The following CAMKMT variants were observed in gnomAD, a reference collection of about 807,000 sequenced individuals.
The protein encoded by CAMKMT is CaM KMT.
A neutral mutation model predicts 48.0 loss-of-function variants in CAMKMT; 53 were observed. The ratio of observed to expected loss-of-function variants is 1.10; its 90% confidence interval spans 0.89 to 1.39. The LOEUF (loss-of-function observed/expected upper bound fraction) is 1.39. CAMKMT is among the 40% of genes most tolerant of loss of function. The pLI is 0.00. For synonymous variants in CAMKMT, 165 were observed against 152.3 expected, an observed-to-expected ratio of 1.08 and a Z score of -0.61; for missense variants, 428 against 402.7, an observed-to-expected ratio of 1.06 and a Z score of -0.54.
chr2:44,674,348 C>G (rs919161265), intron 3 of CAMKMT, among the ~76,000 whole-genome samples: 6 of 152,224 alleles, frequency 3.9e-5, no homozygotes, highest in African/African-American at 1.2e-4. Context: ...GTTAACCCAT[C>G]TGTCTCCTCC....
At chr2:44,419,774 T>C (rs964406463) in intron 3 of CAMKMT, among the ~76,000 whole-genome samples, 1 of 152,178 alleles carries the variant, frequency 6.6e-6, no homozygotes, top group Non-Finnish European at 1.5e-5. Context: ...GGAGGATCAC[T>C]TGAGCCCAAG....
intron 3 of CAMKMT, among the ~76,000 whole-genome samples, chr2:44,609,680 C>T (rs1671491490): frequency 6.6e-6 from 1 of 152,162 alleles, no homozygotes; most frequent in South Asian, 2.1e-4. Context: ...AAATTACAAA[C>T]TTTGTTCTGA....
intron 3 of CAMKMT, among the ~76,000 whole-genome samples, chr2:44,590,091 A>G (rs1168943791): frequency 6.6e-6 from 1 of 151,154 alleles, no homozygotes; most frequent in South Asian, 2.1e-4. Context: ...GCTAATATTG[A>G]CATTCCTTTC....
chr2:44,642,655 G>C (rs1176996136), intron 3 of CAMKMT, among the ~76,000 whole-genome samples: 2 of 152,118 alleles, frequency 1.3e-5, no homozygotes, highest in African/African-American at 2.4e-5. Context: ...GTGAGATAAG[G>C]TGTGCCCTGG....
chr2:44,689,236 C>A (rs1339403023), intron 3 of CAMKMT, among the ~76,000 whole-genome samples: 8 of 151,756 alleles, frequency 5.3e-5, no homozygotes. Context: ...CTCTTACGTG[C>A]CTTTTCAAGA....
chr2:44,420,847 G>A (rs1683890089), intron 3 of CAMKMT, among the ~76,000 whole-genome samples: 1 of 150,650 alleles, frequency 6.6e-6, no homozygotes, highest in South Asian at 2.1e-4. Context: ...TCCCCCCTTG[G>A]GTAATTTTTT....
At chr2:44,452,055 A>G (rs1254282033) in intron 3 of CAMKMT, among the ~76,000 whole-genome samples, 1 of 151,982 alleles carries the variant, frequency 6.6e-6, no homozygotes, top group African/African-American at 2.4e-5. Context: ...TTAAATATGT[A>G]TACTATATAC....
In CAMKMT at chr2:44,402,011, G is replaced by A. The variant is rs78038657; in HGVS notation, c.376+11706G>A. 1.1e-3 allele frequency among the ~76,000 whole-genome samples: 163 copies of A among 152,220 alleles called. 2 individuals carry two copies. In the East Asian group the frequency reaches 0.019, roughly 18 times the overall value. On this transcript the variant is annotated intron_variant, in intron 3 of 10. Coordinates refer to ENST00000378494, the MANE Select transcript of CAMKMT (RefSeq NM_024766.5). ...AGGGGAAGTAATTTTTTGAGAACTT[G>A]TGATACTTTGGTTGGATATAAAATG...
At chr2:44,687,602 C>A (rs2104206249) in intron 3 of CAMKMT, among the ~76,000 whole-genome samples, 1 of 152,314 alleles carries the variant, frequency 6.6e-6, no homozygotes, top group East Asian at 1.9e-4. Context: ...CCTTTCAAAT[C>A]TGCAAAAAGT....
At chr2:44,757,881 C>A (rs1680449049) in intron 9 of CAMKMT, among the ~76,000 whole-genome samples, 1 of 152,110 alleles carries the variant, frequency 6.6e-6, no homozygotes, top group Non-Finnish European at 1.5e-5. Context: ...CTTATGGGGG[C>A]CTTTTTCCAA....
intron 2 of CAMKMT, among the ~76,000 whole-genome samples, chr2:44,388,412 T>C (rs573996195): frequency 6.6e-6 from 1 of 152,154 alleles, no homozygotes; most frequent in African/African-American, 2.4e-5. Context: ...TCACTTCTTA[T>C]ATTGTTCTTT....
intron 3 of CAMKMT, among the ~76,000 whole-genome samples, chr2:44,580,589 CAT>C (rs1248547573): frequency 1.3e-5 from 2 of 152,270 alleles, no homozygotes; most frequent in African/African-American, 4.8e-5. Context: ...GGGCCACTAA[CAT>C]AGAAAAATTT....
chr2:44,525,263 AT>A (rs990155792), intron 3 of CAMKMT, among the ~76,000 whole-genome samples: 6 of 149,974 alleles, frequency 4.0e-5, no homozygotes, highest in East Asian at 1.9e-4. Flanking sequence ...CTAAAGAGAT[AT>A]TTTTTTTTTG....
chr2:44,700,226 A>G (rs930394179), intron 3 of CAMKMT, among the ~76,000 whole-genome samples: 1 of 152,232 alleles, frequency 6.6e-6, no homozygotes, highest in African/African-American at 2.4e-5. Flanking sequence ...GCTTTGGCTT[A>G]AGAGAACGTT....
chr2:44,577,866 C>T (rs761951479), intron 3 of CAMKMT, among the ~76,000 whole-genome samples: 6 of 152,108 alleles, frequency 3.9e-5, no homozygotes, highest in Non-Finnish European at 8.8e-5. Flanking sequence ...AGTTTTACAC[C>T]CCGCTTGTAT....
intron 3 of CAMKMT, among the ~76,000 whole-genome samples, chr2:44,551,794 C>T (rs1296504540): frequency 6.8e-6 from 1 of 147,788 alleles, no homozygotes; most frequent in Admixed American, 6.8e-5. Context: ...TGTCACTTCA[C>T]TTCATCTTCA....
rs775445060 is a variant in CAMKMT, at chr2:44,598,409, C to T, written c.377-105874C>T. 3.6e-4 allele frequency among the ~76,000 whole-genome samples: 54 copies of T among 151,898 alleles called. 1 individual carries two copies. Among genetic ancestry groups the T allele is most frequent in the South Asian group, 1.5e-3 (7 of 4,808 alleles). ...ATATGGGAGAAAAGAAATGAAGTTC[C>T]AGTTTTCTCGTGGAATTGGTTGAAA... On this transcript the variant is annotated intron_variant, in intron 3 of 10. Transcript: ENST00000378494.
At chr2:44,730,587 A>G (rs1430480033) in intron 7 of CAMKMT, among the ~76,000 whole-genome samples, 1 of 152,248 alleles carries the variant, frequency 6.6e-6, no homozygotes, top group Non-Finnish European at 1.5e-5. Context: ...TGAGTTTTCA[A>G]TTCCAGATTT....
At chr2:44,370,220 G>C (rs1287244523) in intron 1 of CAMKMT, among the ~76,000 whole-genome samples, 6 of 152,184 alleles carry the variant, frequency 3.9e-5, no homozygotes, top group Non-Finnish European at 8.8e-5. Context: ...AGTGTTGTTT[G>C]AGTATTTAAT....
Sources: gnomAD v4.1 joint callset for allele counts (sites outside exome capture counted in the v4.1 genomes callset) on GRCh38, gnomAD v4.1.1 for gene constraint, MANE v1.5 for transcripts, NCBI Gene and HGNC (gene_info 2026-07-23, HGNC 2026-07-21) for gene names.